Variants in KLHL12 observed in about 807,000 individuals in gnomAD.
KLHL12 encodes kelch-like protein 12.
In KLHL12, 17 loss-of-function variants were observed where a neutral mutation model predicts 60.8. That is an observed-to-expected ratio of 0.28 (90% CI 0.19 to 0.42). The LOEUF (loss-of-function observed/expected upper bound fraction) is 0.42. Ranked by LOEUF, KLHL12 falls within the 10% of genes least tolerant of loss-of-function variation. The pLI, the probability that KLHL12 is intolerant of heterozygous loss-of-function variation, is 1.00. For synonymous variants in KLHL12, 220 were observed against 250.9 expected (o/e 0.88, Z 1.16); for missense variants, 468 against 722.3 (o/e 0.65, Z 4.04).
chr1:202,925,055 T>C lies in KLHL12; in HGVS notation c.108A>G (p.Thr36=), dbSNP rs781202014. 1 of 1,614,166 alleles carries C rather than the reference T, an allele frequency of 6.2e-7. No individual in the cohort carries two copies. The highest frequency in any genetic ancestry group is 1.1e-5 in the South Asian group (1 of 91,084). The part of the protein sequence containing the change: ...LRKSNTLCDV[T]LRVEQKDFPA... ...GGAAGTCTTTCTGCTCTACTCTCAA[T>C]GTCACATCACAGAGGGTATTGCTCT... is the stretch of plus-strand genomic sequence containing the variant. Residue 36 remains threonine, a synonymous_variant, in exon 2 of 12, where the codon ACA becomes ACG. Coordinates refer to ENST00000367261, the MANE Select transcript of KLHL12 (RefSeq NM_021633.4).
rs1304315806 is a variant in KLHL12, at chr1:202,891,568, T to C, written c.*965A>G. 3.9e-5 allele frequency: 6 copies of C among 152,150 alleles called. No homozygotes were observed. The highest frequency in any genetic ancestry group is 3.3e-4 in the Admixed American group (5 of 15,288). The allele number at this position is 152,150 out of a possible 1,614,324, so 9.4% of individuals were successfully genotyped here. On this transcript the variant is annotated 3_prime_UTR_variant, in exon 12 of 12. Transcript: ENST00000367261. ...CACTCCCAGCCCATCCCCAAATAAATAGTGTGGAAGTGTAATAGTGTAGTA... is the reference window on the plus strand; with the variant it reads ...CACTCCCAGCCCATCCCCAAATAAACAGTGTGGAAGTGTAATAGTGTAGTA...
At chr1:202,907,557 C>A (rs918559824) in intron 6 of KLHL12, among the ~76,000 whole-genome samples, 5 of 149,380 alleles carry the variant, frequency 3.3e-5, no homozygotes, top group Admixed American at 1.3e-4. Context: ...AAGATTGCAC[C>A]ACTGCACTCC....
At chr1:202,898,926 A>AT (rs1229346575) in intron 6 of KLHL12, among the ~76,000 whole-genome samples, 1 of 150,930 alleles carries the variant, frequency 6.6e-6, no homozygotes, top group East Asian at 1.9e-4. Flanking sequence ...TGATAATGGC[A>AT]TTCTAGATGT....
At chr1:202,913,260 T>C (rs1660419169) in intron 4 of KLHL12, among the ~76,000 whole-genome samples, 1 of 152,164 alleles carries the variant, frequency 6.6e-6, no homozygotes, top group Non-Finnish European at 1.5e-5. Context: ...CTTAGGTATA[T>C]AATAACACCT....
intron 4 of KLHL12, among the ~76,000 whole-genome samples, chr1:202,917,744 C>A (rs1660567068): frequency 6.6e-6 from 1 of 152,142 alleles, no homozygotes; most frequent in African/African-American, 2.4e-5. Flanking sequence ...TTGTCTATAT[C>A]TCTGTCTCTA....
At chr1:202,928,102 G>T (rs974855236), upstream of KLHL12, among the ~76,000 whole-genome samples, 8 of 151,208 alleles carry the variant, frequency 5.3e-5, no homozygotes, top group African/African-American at 1.9e-4. Context: ...GTGAAACCCC[G>T]TCTCCACTAA....
Position 202,925,143 on chromosome 1 carries a change from G to A in KLHL12, c.20C>T (p.Pro7Leu). 2 of 1,613,868 alleles carry A rather than the reference G, an allele frequency of 1.2e-6. No homozygotes were observed. Among genetic ancestry groups the A allele is most frequent in the Non-Finnish European group, 1.7e-6 (2 of 1,179,882 alleles). Reference protein sequence around the residue: MGGIMAPKDIMTNTHAK... With the variant: MGGIMALKDIMTNTHAK... The stretch of plus-strand genomic sequence containing the variant: ...ATGAGTATTTGTCATTATGTCTTTG[G>A]GGGCCATAATGCCTCCCATAAAGCA... Residue 7 changes from proline (P) to leucine (L), a missense_variant, in exon 2 of 12, where the codon CCC (proline) becomes CTC (leucine). Physicochemically the swap from Pro to Leu is moderately conservative, Grantham distance 98. Coordinates refer to ENST00000367261, the MANE Select transcript of KLHL12 (RefSeq NM_021633.4).
chr1:202,928,417 G>T (rs900584085), upstream of KLHL12: 1 of 997,262 alleles, frequency 1.0e-6, no homozygotes, highest in Non-Finnish European at 1.4e-6. Context: ...CACTAGGCAG[G>T]GCAGGCAGAG....
intron 4 of KLHL12, among the ~76,000 whole-genome samples, chr1:202,914,083 T>C (rs1379062504): frequency 6.6e-6 from 1 of 152,098 alleles, no homozygotes; most frequent in African/African-American, 2.4e-5. Context: ...AGGAGTAAAA[T>C]ATGAAGCTGG....
In KLHL12 at chr1:202,919,794, G is replaced by A; in HGVS notation, c.310C>T (p.Gln104Ter). 3 of 1,613,542 alleles carry A rather than the reference G, an allele frequency of 1.9e-6. No homozygotes were observed. The highest frequency in any genetic ancestry group is 2.5e-6 in the Non-Finnish European group (3 of 1,179,812). Residue 104 changes from glutamine (Q) to a stop codon, truncating the protein, a stop_gained, in exon 3 of 12, where the codon CAA (glutamine) becomes TAA (stop). Transcript: ENST00000367261. LOFTEE classifies it high-confidence loss of function. Reference sequence around the variant, plus strand: ...AGACAGGCTGCAGGAAGCAGTTCTTGTACATTCTCCACTGTCACATGTACT... The same window carrying A: ...AGACAGGCTGCAGGAAGCAGTTCTTATACATTCTCCACTGTCACATGTACT... The part of the protein sequence containing the change: ...ETVHVTVENV[Q>*]ELLPAACLLQ...
intron 1 of KLHL12, among the ~76,000 whole-genome samples, chr1:202,926,133 A>G (rs1031126114): frequency 1.3e-5 from 2 of 151,798 alleles, no homozygotes; most frequent in African/African-American, 4.8e-5. Context: ...AGAAACTTCA[A>G]TTGAGGACCC....
chr1:202,911,277 C>T, intron 4 of KLHL12, 74 bp from the exon 5 acceptor site: 1 of 1,508,212 alleles, frequency 6.6e-7, no homozygotes, highest in Non-Finnish European at 9.1e-7. Context: ...TAACCACGTT[C>T]ACTTTTTCCT....
chr1:202,908,037 C>T (rs913604846), intron 6 of KLHL12, among the ~76,000 whole-genome samples: 8 of 152,102 alleles, frequency 5.3e-5, no homozygotes, highest in Admixed American at 3.3e-4. Flanking sequence ...AACAATAAAA[C>T]AAAATACCAC....
intron 1 of KLHL12, among the ~76,000 whole-genome samples, chr1:202,926,153 A>G (rs1262983322): frequency 6.6e-6 from 1 of 151,828 alleles, no homozygotes; most frequent in East Asian, 1.9e-4. Context: ...CATTACCTAC[A>G]CTGAATAATG....
Position 202,891,441 on chromosome 1 carries a change from G to A in KLHL12, c.*1092C>T, listed in dbSNP as rs1659672662. On this transcript the variant is annotated 3_prime_UTR_variant, in exon 12 of 12. Coordinates refer to ENST00000367261, the MANE Select transcript of KLHL12 (RefSeq NM_021633.4). ...TAAGGAAAACTTATAGCAGAAAAAA[G>A]ACTAGATGTACCAAACACAGCAGTA... 1 of 152,610 alleles carries A rather than the reference G, an allele frequency of 6.6e-6. No individual in the cohort carries two copies. Among genetic ancestry groups the A allele is most frequent in the South Asian group, 2.1e-4 (1 of 4,834 alleles). The allele number at this position is 152,610 out of a possible 1,614,324, so 9.5% of individuals were successfully genotyped here.
At chr1:202,904,174 T>C (rs1422211723) in intron 6 of KLHL12, among the ~76,000 whole-genome samples, 1 of 151,902 alleles carries the variant, frequency 6.6e-6, no homozygotes, top group Admixed American at 6.6e-5. Context: ...CCGGCTAATT[T>C]TGTATTTTTA....
intron 4 of KLHL12, chr1:202,911,932 C>A (rs1660375099): frequency 1.2e-6 from 1 of 822,372 alleles, no homozygotes; most frequent in Non-Finnish European, 2.1e-6. Context: ...ATGGGGAATG[C>A]TCACGGACTG....
At chr1:202,911,552 T>G in intron 4 of KLHL12, among the ~76,000 whole-genome samples, 1 of 152,112 alleles carries the variant, frequency 6.6e-6, no homozygotes, top group Non-Finnish European at 1.5e-5. Context: ...ATTCCTGAAT[T>G]GCTTCTGGTC....
chr1:202,910,752 A>G (rs1478430189), intron 5 of KLHL12, among the ~76,000 whole-genome samples: 1 of 152,176 alleles, frequency 6.6e-6, no homozygotes, highest in East Asian at 1.9e-4. Flanking sequence ...TTTATGTTTA[A>G]TGGAGAAGGG....
Sources: allele counts gnomAD v4.1 joint callset (sites outside exome capture counted in the v4.1 genomes callset), GRCh38; gene constraint gnomAD v4.1.1; transcripts MANE v1.5; gene names NCBI Gene and HGNC (gene_info 2026-07-23, HGNC 2026-07-21).